Variants in IQGAP2 observed in about 807,000 individuals in gnomAD.
IQGAP2 encodes the protein IQ motif containing GTPase activating protein 2.
IQGAP2 carries 173 observed loss-of-function variants against 201.3 expected under a neutral mutation model. The observed-to-expected ratio is 0.86, with a 90% confidence interval of 0.76 to 0.98. The LOEUF is 0.98. Among genes scored for constraint, IQGAP2 ranks in the 50% least tolerant of loss-of-function variants. IQGAP2 has a pLI of 0.00. For missense variants in IQGAP2, 1,687 were observed against 1,864.8 expected, an observed-to-expected ratio of 0.90 and a Z score of 1.76; for synonymous variants, 675 against 673.9, an observed-to-expected ratio of 1.00 and a Z score of -0.03.
intron 2 of IQGAP2, among the ~76,000 whole-genome samples, chr5:76,486,906 C>A (rs1290527633): frequency 6.6e-6 from 1 of 152,020 alleles, no homozygotes; most frequent in Non-Finnish European, 1.5e-5. Context: ...TAGGAGTTTA[C>A]TAATCATTTA....
At chr5:76,523,478 CAG>C (rs1213964182) in intron 2 of IQGAP2, among the ~76,000 whole-genome samples, 2 of 152,092 alleles carry the variant, frequency 1.3e-5, no homozygotes, top group East Asian at 1.9e-4. Context: ...TGGGTTGAAA[CAG>C]GGAATTTGCA....
chr5:76,702,552 C>A lies in IQGAP2; in HGVS notation c.4576C>A (p.Leu1526Ile). The change falls in exon 35 of 36, where the codon CTT becomes ATT. Residue 1526 changes from leucine to isoleucine, a missense_variant. Physicochemically the swap from Leu to Ile is conservative, Grantham distance 5 (BLOSUM62 2). Transcript: ENST00000274364. ...CATTTTCGATGTAAGATCAAAATTC[C>A]TTGGTGTTGAGATGGAAAAGGTGCA... ...VGIFDVRSKF[L>I]GVEMEKVQLN... is the part of the protein sequence containing the mutation. The A allele has an allele frequency of 6.3e-7, 1 of 1,596,788 alleles. No individual in the cohort carries two copies. The highest frequency in any genetic ancestry group is 8.6e-7 in the Non-Finnish European group (1 of 1,164,322).
chr5:76,706,982 G>C (rs1747962098), intron 35 of IQGAP2, among the ~76,000 whole-genome samples: 1 of 152,206 alleles, frequency 6.6e-6, no homozygotes, highest in Non-Finnish European at 1.5e-5. Context: ...CTATGGCCTG[G>C]TGCCATGGCA....
chr5:76,609,053 GGGTAATCTTTCAGCTCCTA>G (rs1185529911), intron 12 of IQGAP2: 59 of 1,515,644 alleles, frequency 3.9e-5, no homozygotes, highest in Non-Finnish European at 5.0e-5. Context: ...GAGGGCTTCT[GGGTAATCTTTCAGCTCCTA>G]TGATGTCATT....
chr5:76,628,667 C>T, intron 14 of IQGAP2: 1 of 455,720 alleles, frequency 2.2e-6, no homozygotes, highest in Non-Finnish European at 4.4e-6. Context: ...CTTAAGATGA[C>T]TTTGTCTTAC....
chr5:76,484,215 A>C (rs1170176614), intron 2 of IQGAP2, among the ~76,000 whole-genome samples: 1 of 152,178 alleles, frequency 6.6e-6, no homozygotes, highest in African/African-American at 2.4e-5. Context: ...AAAGAACTCA[A>C]AATAGAGCAT....
intron 12 of IQGAP2, 98 bp from the exon 13 acceptor site, chr5:76,610,922 C>A: frequency 1.1e-6 from 1 of 921,306 alleles, no homozygotes; most frequent in Non-Finnish European, 1.6e-6. Flanking sequence ...CATCCTATAG[C>A]CTTGCTGTAC....
chr5:76,530,705 A>G (rs1759245521), intron 2 of IQGAP2, among the ~76,000 whole-genome samples: 1 of 152,150 alleles, frequency 6.6e-6, no homozygotes, highest in South Asian at 2.1e-4. Context: ...TTTATTCTCC[A>G]TGTGTCAGTT....
At chr5:76,583,034 G>A (rs1745984186) in intron 5 of IQGAP2, among the ~76,000 whole-genome samples, 1 of 152,178 alleles carries the variant, frequency 6.6e-6, no homozygotes, top group South Asian at 2.1e-4. Context: ...TCTTAGACAT[G>A]AGAAGCAAAG....
intron 2 of IQGAP2, among the ~76,000 whole-genome samples, chr5:76,522,422 A>G (rs1029267019): frequency 7.2e-5 from 11 of 151,996 alleles, no homozygotes; most frequent in African/African-American, 2.7e-4. Context: ...ACCTCAAGTG[A>G]TCCACCCACC....
chr5:76,486,247 T>C lies in IQGAP2; in HGVS notation c.146+24578T>C, dbSNP rs142812530. On this transcript the variant is annotated intron_variant, in intron 2 of 35. Transcript: ENST00000274364. ...AGGTTATAGTTTGAAAAGCTTATCA[T>C]GGGAATTTTTAGCCATCTTTTAAAT... 6.0e-3 allele frequency among the ~76,000 whole-genome samples: 912 copies of C among 152,348 alleles called. 11 individuals carry two copies. Among genetic ancestry groups the C allele is most frequent in the African/African-American group, 0.021 (867 of 41,576 alleles).
At chr5:76,609,440 T>C (rs1748080938) in intron 12 of IQGAP2, among the ~76,000 whole-genome samples, 1 of 152,214 alleles carries the variant, frequency 6.6e-6, no homozygotes, top group Non-Finnish European at 1.5e-5. Context: ...ATTTAAGTAT[T>C]ATAGTCTGGA....
chr5:76,452,257 T>C lies in IQGAP2; in HGVS notation c.47-9313T>C, dbSNP rs1753807643. Among the ~76,000 whole-genome samples, 4 of 151,406 alleles carry C rather than the reference T, an allele frequency of 2.6e-5. No homozygotes were observed. In the South Asian group the frequency reaches 8.3e-4, roughly 31 times the overall value. ...TTTTTTTTTTTTTGTTTGTTTTTAT[T>C]ATACTTTAAGTTCTAGGGTACATGT... On this transcript the variant is annotated intron_variant, in intron 1 of 35. Transcript: ENST00000274364.
rs535597401 is a variant in IQGAP2, at chr5:76,435,000, C to T, written c.47-26570C>T. ...TGTTTGTTGGCCATTTTTATATTTTCTTTTGAGAAATGTCTACGCATGTCA... is the reference window on the plus strand; with the variant it reads ...TGTTTGTTGGCCATTTTTATATTTTTTTTTGAGAAATGTCTACGCATGTCA... On this transcript the variant is annotated intron_variant, in intron 1 of 35. Transcript: ENST00000274364. Among the ~76,000 whole-genome samples, 59 of 150,040 alleles carry T rather than the reference C, an allele frequency of 3.9e-4. 1 individual carries two copies. The highest frequency in any genetic ancestry group is 1.2e-3 in the African/African-American group (48 of 40,960).
intron 1 of IQGAP2, among the ~76,000 whole-genome samples, chr5:76,440,070 T>G (rs943800042): frequency 2.6e-5 from 4 of 152,242 alleles, no homozygotes; most frequent in Non-Finnish European, 5.9e-5. Context: ...ACTCAGCATT[T>G]GCTTGTCTGG....
intron 1 of IQGAP2, among the ~76,000 whole-genome samples, chr5:76,427,855 A>G (rs981887635): frequency 6.6e-6 from 1 of 152,246 alleles, no homozygotes; most frequent in African/African-American, 2.4e-5. Flanking sequence ...GGGGCAGCAT[A>G]AGCTTTCAGC....
At chr5:76,645,025 G>A (rs1751920852) in intron 17 of IQGAP2, among the ~76,000 whole-genome samples, 1 of 151,944 alleles carries the variant, frequency 6.6e-6, no homozygotes, top group South Asian at 2.1e-4. Flanking sequence ...ACAAGCCCCA[G>A]TGTGTGATGT....
intron 21 of IQGAP2, among the ~76,000 whole-genome samples, chr5:76,661,054 G>A (rs1743206781): frequency 6.6e-6 from 1 of 152,092 alleles, no homozygotes; most frequent in South Asian, 2.1e-4. Flanking sequence ...AAGAAGTTAA[G>A]TGATTTTTCT....
chr5:76,488,654 G>T (rs1229215195), intron 2 of IQGAP2, among the ~76,000 whole-genome samples: 1 of 152,180 alleles, frequency 6.6e-6, no homozygotes, highest in Admixed American at 6.5e-5. Flanking sequence ...TGAACAGTTT[G>T]ATCAGGTTTT....
Sources: allele counts gnomAD v4.1 joint callset (sites outside exome capture counted in the v4.1 genomes callset), GRCh38; gene constraint gnomAD v4.1.1; transcripts MANE v1.5; gene names NCBI Gene and HGNC (gene_info 2026-07-23, HGNC 2026-07-21).